HMGB1: variants seen among roughly 807,000 people sequenced by gnomAD.
HMGB1 encodes the protein high mobility group box 1, also known as high mobility group protein B1.
For missense variants in HMGB1, 79 were observed against 253.5 expected (o/e 0.31, Z 4.67); for synonymous variants, 81 against 84.0 (o/e 0.96, Z 0.19).
At chr13:30,604,852 GT>G (rs1425674097) in intron 1 of HMGB1, among the ~76,000 whole-genome samples, 4 of 152,080 alleles carry the variant, frequency 2.6e-5, no homozygotes, top group Non-Finnish European at 5.9e-5. Flanking sequence ...TACAGACAGG[GT>G]TTCACCATGT....
chr13:30,479,409 T>G (rs1194349470), intron 1 of HMGB1, among the ~76,000 whole-genome samples: 1 of 152,172 alleles, frequency 6.6e-6, no homozygotes, highest in Non-Finnish European at 1.5e-5. Flanking sequence ...CAGTTTGCCC[T>G]CTAAACCTTA....
intron 1 of HMGB1, among the ~76,000 whole-genome samples, chr13:30,593,906 C>T (rs771918576): frequency 1.3e-5 from 2 of 151,982 alleles, no homozygotes; most frequent in Non-Finnish European, 2.9e-5. Flanking sequence ...AAGTTAAATG[C>T]AAGAAAGGAA....
At chr13:30,585,390 A>T (rs1346333323) in intron 1 of HMGB1, among the ~76,000 whole-genome samples, 1 of 152,216 alleles carries the variant, frequency 6.6e-6, no homozygotes, top group Non-Finnish European at 1.5e-5. Context: ...TAAATCCATT[A>T]TAAAGAAAAG....
At chr13:30,551,113 A>G (rs905976121) in intron 1 of HMGB1, among the ~76,000 whole-genome samples, 1 of 152,226 alleles carries the variant, frequency 6.6e-6, no homozygotes, top group Non-Finnish European at 1.5e-5. Context: ...ACCATCTACT[A>G]TCATGATTTC....
chr13:30,564,472 AAAACAAAC>A (rs528876932), intron 1 of HMGB1, among the ~76,000 whole-genome samples: 1 of 152,016 alleles, frequency 6.6e-6, no homozygotes, highest in Admixed American at 6.6e-5. Flanking sequence ...TCAGTCTCAA[AAAACAAAC>A]AAACAAACAA....
chr13:30,611,508 T>C (rs1322239488), intron 1 of HMGB1, among the ~76,000 whole-genome samples: 1 of 152,222 alleles, frequency 6.6e-6, no homozygotes, highest in Non-Finnish European at 1.5e-5. Context: ...CTATAGGGAC[T>C]TGTGCTCTAT....
In HMGB1 at chr13:30,462,571, C is replaced by T. The variant is rs137943992; in HGVS notation, c.438G>A (p.Lys146=). ...TAADDKQPYE[K]KAAKLKEKYE... ...ATTTTTCCTTCAGCTTCGCAGCCTT[C>T]TTTTCATAAGGCTGCTTGTCATCTG... The change falls in exon 4 of 5, where the codon AAG becomes AAA. Residue 146 remains lysine, a synonymous_variant. Coordinates refer to ENST00000341423, the MANE Select transcript of HMGB1 (RefSeq NM_002128.7). 1.2e-5 allele frequency: 19 copies of T among 1,612,672 alleles called. No individual in the cohort carries two copies. The African/African-American group carries it at 2.4e-4, about 20-fold the overall frequency.
At chr13:30,591,387 T>C (rs1298633942) in intron 1 of HMGB1, among the ~76,000 whole-genome samples, 1 of 152,166 alleles carries the variant, frequency 6.6e-6, no homozygotes, top group Non-Finnish European at 1.5e-5. Flanking sequence ...ATAAAATGTA[T>C]GATATCCAGT....
intron 1 of HMGB1, among the ~76,000 whole-genome samples, chr13:30,493,945 T>TA (rs1227115052): frequency 0.012 from 1,711 of 145,890 alleles, 29 homozygotes; most frequent in African/African-American, 0.038. Flanking sequence ...GAAATGTCAT[T>TA]AAAAAAAAAA....
At chr13:30,514,736 C>G (rs1888065516) in intron 1 of HMGB1, among the ~76,000 whole-genome samples, 2 of 152,142 alleles carry the variant, frequency 1.3e-5, no homozygotes, top group African/African-American at 4.8e-5. Context: ...CTCCTGGGCT[C>G]AAGCCATCCT....
upstream of HMGB1, among the ~76,000 whole-genome samples, chr13:30,467,804 A>G (rs1228080409): frequency 1.3e-5 from 2 of 152,236 alleles, no homozygotes; most frequent in East Asian, 1.9e-4. Context: ...GGCACTATCA[A>G]TATTTTCCAG....
At chr13:30,481,044 T>G (rs1566001002) in intron 1 of HMGB1, among the ~76,000 whole-genome samples, 1 of 151,764 alleles carries the variant, frequency 6.6e-6, no homozygotes, top group Non-Finnish European at 1.5e-5. Flanking sequence ...CTCTTGTGTG[T>G]GTTTTTTTTT....
At chr13:30,544,736 T>C (rs201423799) in intron 1 of HMGB1, among the ~76,000 whole-genome samples, 1 of 152,086 alleles carries the variant, frequency 6.6e-6, no homozygotes, top group East Asian at 1.9e-4. Flanking sequence ...TGTAAGCTGC[T>C]CTGTCAAATC....
intron 1 of HMGB1, among the ~76,000 whole-genome samples, chr13:30,603,913 CTAA>C (rs1950428193): frequency 6.6e-6 from 1 of 151,940 alleles, no homozygotes; most frequent in Non-Finnish European, 1.5e-5. Flanking sequence ...TTTTTCTCGT[CTAA>C]TATTATGGAT....
chr13:30,581,964 T>C (rs116217602), intron 1 of HMGB1, among the ~76,000 whole-genome samples: 1 of 152,146 alleles, frequency 6.6e-6, no homozygotes. Context: ...GTTTTATGAT[T>C]ATCTGATAGA....
intron 1 of HMGB1, chr13:30,554,720 A>G: frequency 1.3e-6 from 1 of 769,976 alleles, no homozygotes; most frequent in East Asian, 2.4e-5. Context: ...AACATATTCT[A>G]GAGGACAGAA....
At chr13:30,489,860 G>A (rs1415391976) in intron 1 of HMGB1, among the ~76,000 whole-genome samples, 3 of 150,770 alleles carry the variant, frequency 2.0e-5, no homozygotes, top group Non-Finnish European at 4.4e-5. Context: ...TCAGCCTCCT[G>A]AGTAGCTGGG....
Position 30,538,662 on chromosome 13 carries a change from TC to T in HMGB1, c.-14-74969del, listed in dbSNP as rs1173268279. Among the ~76,000 whole-genome samples the T allele has an allele frequency of 3.1e-3, 134 of 43,564 alleles. 5 individuals carry two copies. The highest frequency in any genetic ancestry group is 0.019 in the South Asian group (17 of 890). 28.6% of individuals were successfully genotyped at this position (43,564 alleles called of 152,430 possible). ...TTCTTCCTTTCTTTCTTTCTTTCTTTCCTTTCTTTCTTTCTTTCTTTCCTTT... is the reference window on the plus strand; with the variant it reads ...TTCTTCCTTTCTTTCTTTCTTTCTTTCTTTCTTTCTTTCTTTCTTTCCTTT... On this transcript the variant is annotated intron_variant, in intron 1 of 4. Transcript: ENST00000405805.
At chr13:30,492,459 A>AT (rs1398298984) in intron 1 of HMGB1, among the ~76,000 whole-genome samples, 1 of 152,164 alleles carries the variant, frequency 6.6e-6, no homozygotes, top group Non-Finnish European at 1.5e-5. Flanking sequence ...AAGCAATGCA[A>AT]TTTTTTCAGT....
Sources: gnomAD v4.1 joint callset for allele counts (sites outside exome capture counted in the v4.1 genomes callset) on GRCh38, gnomAD v4.1.1 for gene constraint, MANE v1.5 for transcripts, NCBI Gene and HGNC (gene_info 2026-07-23, HGNC 2026-07-21) for gene names.